Variants in RYR3 observed in about 807,000 individuals in gnomAD.
RYR3 encodes brain ryanodine receptor-calcium release channel.
A neutral mutation model predicts 584.3 loss-of-function variants in RYR3; 207 were observed. That is an observed-to-expected ratio of 0.35 (90% CI 0.32 to 0.40). The LOEUF (loss-of-function observed/expected upper bound fraction) is 0.40. RYR3 is among the 10% of genes least tolerant of loss of function. The probability of loss-of-function intolerance (pLI) is 1.00; values close to 1 mark genes in which losing one functional copy is unlikely to be tolerated. For missense variants in RYR3, 5,616 were observed against 6,089.2 expected, an observed-to-expected ratio of 0.92 and a Z score of 2.59; for synonymous variants, 2,416 against 2,248.5, an observed-to-expected ratio of 1.07 and a Z score of -2.11.
chr15:33,739,457 TC>T (rs1320909923), intron 50 of RYR3, among the ~76,000 whole-genome samples: 1 of 152,096 alleles, frequency 6.6e-6, no homozygotes, highest in Non-Finnish European at 1.5e-5. Context: ...CTGTGCCCTC[TC>T]CAGTTATAAG....
intron 13 of RYR3, among the ~76,000 whole-genome samples, chr15:33,581,228 T>G (rs1048310001): frequency 2.0e-5 from 3 of 152,154 alleles, no homozygotes; most frequent in Non-Finnish European, 4.4e-5. Flanking sequence ...TCCCTCTTCC[T>G]AAGTATGTCC....
At chr15:33,614,513 A>G (rs766832484) in intron 19 of RYR3, among the ~76,000 whole-genome samples, 3 of 151,818 alleles carry the variant, frequency 2.0e-5, no homozygotes, top group Non-Finnish European at 4.4e-5. Context: ...TAGAGTATTA[A>G]TTTTTTCTTT....
chr15:33,379,324 T>G (rs2040981945), intron 1 of RYR3, among the ~76,000 whole-genome samples: 1 of 152,210 alleles, frequency 6.6e-6, no homozygotes, highest in Non-Finnish European at 1.5e-5. Context: ...CATGTGGCTA[T>G]TTCTCATTAT....
intron 10 of RYR3, among the ~76,000 whole-genome samples, chr15:33,556,756 C>T (rs2057091968): frequency 6.6e-6 from 1 of 152,000 alleles, no homozygotes; most frequent in Admixed American, 6.5e-5. Flanking sequence ...AAAGCCAATC[C>T]CTTCCTCATT....
At chr15:33,391,758 T>A (rs1286108143) in intron 1 of RYR3, among the ~76,000 whole-genome samples, 1 of 152,172 alleles carries the variant, frequency 6.6e-6, no homozygotes, top group African/African-American at 2.4e-5. Context: ...TCCTTTCCAT[T>A]TCTTTAGGGT....
chr15:33,327,318 A>G (rs555072707), intron 1 of RYR3, among the ~76,000 whole-genome samples: 1 of 152,324 alleles, frequency 6.6e-6, no homozygotes, highest in Non-Finnish European at 1.5e-5. Context: ...TTAAGTGTGT[A>G]TGGATCCTCC....
chr15:33,757,819 G>T (rs2152861982), intron 60 of RYR3: 2 of 562,788 alleles, frequency 3.6e-6, no homozygotes, highest in Non-Finnish European at 6.3e-6. Flanking sequence ...TGGGAAAGAT[G>T]TATATAATTA....
In RYR3 at chr15:33,821,190, TTCTC is replaced by T. The variant is rs1255616806; in HGVS notation, c.10816-75_10816-72del. On this transcript the variant is annotated intron_variant, in intron 78 of 103. Transcript: ENST00000634891. ...TTACCTTCCTTAGGTAACTGGAAAA[TTCTC>T]TCTCACCTCACTATGGGTGAACTCC... 3.5e-6 allele frequency: 4 copies of T among 1,138,590 alleles called. No individual in the cohort carries two copies. In the East Asian group the frequency reaches 7.7e-5, roughly 22 times the overall value. The allele number at this position is 1,138,590 out of a possible 1,614,324, so 70.5% of individuals were successfully genotyped here.
intron 1 of RYR3, among the ~76,000 whole-genome samples, chr15:33,440,998 G>A (rs569846372): frequency 6.6e-6 from 1 of 152,268 alleles, no homozygotes; most frequent in South Asian, 2.1e-4. Flanking sequence ...TTCTTGAGTC[G>A]CTTGGTGTTG....
At chr15:33,788,144 C>T in intron 66 of RYR3, 74 bp from the exon 67 acceptor site, 3 of 1,589,542 alleles carry the variant, frequency 1.9e-6, no homozygotes, top group Non-Finnish European at 8.6e-7. Context: ...ACGGCCTCAC[C>T]TTTCAGTCAT....
At chr15:33,862,686 C>T (rs1380405732) in intron 102 of RYR3, among the ~76,000 whole-genome samples, 22 of 152,044 alleles carry the variant, frequency 1.4e-4, no homozygotes, top group Admixed American at 1.4e-3. Context: ...TCTTGGCTCA[C>T]TGTAGCCTCC....
intron 1 of RYR3, among the ~76,000 whole-genome samples, chr15:33,320,711 G>C (rs965787318): frequency 6.6e-6 from 1 of 152,178 alleles, no homozygotes; most frequent in Non-Finnish European, 1.5e-5. Context: ...GCCTATCTGA[G>C]AGGATTGTTG....
At chr15:33,818,516 T>G (rs780116404) in intron 75 of RYR3, 62 bp from the exon 76 acceptor site, 28 of 1,249,298 alleles carry the variant, frequency 2.2e-5, no homozygotes, top group Non-Finnish European at 3.3e-5. Flanking sequence ...TTTGTTCGCA[T>G]GCCAGTCACG....
chr15:33,679,800 T>A (rs2064456671), intron 38 of RYR3, among the ~76,000 whole-genome samples: 1 of 152,186 alleles, frequency 6.6e-6, no homozygotes. Flanking sequence ...TCTGGGAAAA[T>A]GAGTAATCTG....
At chr15:33,328,349 A>G (rs1339176407) in intron 1 of RYR3, among the ~76,000 whole-genome samples, 2 of 151,886 alleles carry the variant, frequency 1.3e-5, no homozygotes, top group Admixed American at 6.6e-5. Context: ...CAAGCTTCCT[A>G]TTGTTCCTTT....
chr15:33,808,959 G>A (rs1459288910), intron 70 of RYR3, among the ~76,000 whole-genome samples: 1 of 152,180 alleles, frequency 6.6e-6, no homozygotes, highest in Non-Finnish European at 1.5e-5. Context: ...GCTGGCCAGG[G>A]ATTTTGCTGT....
Position 33,628,550 on chromosome 15 carries a change from T to C in RYR3, c.2654T>C (p.Ile885Thr), listed in dbSNP as rs2061111187. ...NIHELWGMNK[I>T]ELGWTFGKIR... ...CATGAGCTTTGGGGAATGAATAAAA[T>C]AGAACTTGGCTGGACTTTCGGCAAG... The change falls in exon 21 of 104, where the codon ATA (isoleucine) becomes ACA (threonine). Residue 885 changes from isoleucine to threonine, a missense_variant. Coordinates refer to ENST00000634891, the MANE Select transcript of RYR3 (RefSeq NM_001036.6). 6.2e-7 allele frequency: 1 copy of C among 1,613,472 alleles called. No homozygotes were observed. The highest frequency in any genetic ancestry group is 8.5e-7 in the Non-Finnish European group (1 of 1,179,470).
At chr15:33,586,344 C>T (rs74005693) in intron 16 of RYR3, among the ~76,000 whole-genome samples, 1,548 of 152,252 alleles carry the variant, frequency 0.01, 30 homozygotes, top group African/African-American at 0.036. Flanking sequence ...AGTCGCTGCT[C>T]ATTATCATTA....
intron 1 of RYR3, among the ~76,000 whole-genome samples, chr15:33,444,266 A>G (rs1246946478): frequency 6.6e-6 from 1 of 152,222 alleles, no homozygotes; most frequent in Non-Finnish European, 1.5e-5. Flanking sequence ...TAGAACAGGA[A>G]GTTTTCTAAG....
Sources: gnomAD v4.1 joint callset for allele counts (sites outside exome capture counted in the v4.1 genomes callset) on GRCh38, gnomAD v4.1.1 for gene constraint, MANE v1.5 for transcripts, NCBI Gene and HGNC (gene_info 2026-07-23, HGNC 2026-07-21) for gene names.